The following FAM222B variants were observed in gnomAD, a reference collection of about 807,000 sequenced individuals.
FAM222B encodes the protein protein FAM222B.
Under a neutral mutation model 38.0 loss-of-function variants are expected in FAM222B, and 12 were observed. The ratio of observed to expected loss-of-function variants is 0.32; its 90% CI spans 0.20 to 0.51. FAM222B has a LOEUF of 0.51. Among genes scored for constraint, FAM222B ranks in the 20% least tolerant of loss-of-function variants. The probability of loss-of-function intolerance (pLI) is 0.97; values close to 1 mark genes in which losing one functional copy is unlikely to be tolerated. For missense variants in FAM222B, 716 were observed against 754.2 expected (o/e 0.95, Z 0.59); for synonymous variants, 329 against 317.2 (o/e 1.04, Z -0.40).
chr17:28,800,556 G>A (rs1479926059), intron 1 of FAM222B, among the ~76,000 whole-genome samples: 2 of 152,126 alleles, frequency 1.3e-5, no homozygotes, highest in African/African-American at 4.8e-5. Context: ...GTTCAGCTTG[G>A]AGAAGAGGCA....
chr17:28,772,679 A>G (rs931140488), intron 1 of FAM222B, among the ~76,000 whole-genome samples: 37 of 151,636 alleles, frequency 2.4e-4, no homozygotes, highest in Non-Finnish European at 1.5e-4. Flanking sequence ...GGCAGATCAC[A>G]AGGTCAGGAG....
intron 1 of FAM222B, among the ~76,000 whole-genome samples, chr17:28,800,196 T>C (rs1315695597): frequency 6.6e-6 from 1 of 152,144 alleles, no homozygotes. Flanking sequence ...CACACCTGGC[T>C]AATTTTGTAT....
chr17:28,813,022 CGG>C (rs71359255), intron 1 of FAM222B, among the ~76,000 whole-genome samples: 5 of 894 alleles, frequency 5.6e-3, no homozygotes, highest in African/African-American at 0.033. Context: ...AGAAATTAAG[CGG>C]GGGGGGGGGG....
intron 1 of FAM222B, among the ~76,000 whole-genome samples, chr17:28,768,315 G>A (rs576473424): frequency 6.6e-6 from 1 of 152,250 alleles, no homozygotes; most frequent in Non-Finnish European, 1.5e-5. Flanking sequence ...GTCATGATGA[G>A]TATCAGAGGG....
Position 28,830,053 on chromosome 17 carries a change from G to A in FAM222B, c.-41+12629C>T, listed in dbSNP as rs1598037322. Among the ~76,000 whole-genome samples the A allele has an allele frequency of 2.0e-5, 3 of 151,778 alleles. No homozygotes were observed. The East Asian group carries it at 5.8e-4, about 29-fold the overall frequency. ...TTTAGTAGAGATGAGGTTTCACTGT[G>A]TTAACCAGGATAGTCTCCATCTCCT... is the stretch of plus-strand genomic sequence containing the variant. On this transcript the variant is annotated intron_variant, in intron 1 of 2. Transcript: ENST00000581407.
intron 1 of FAM222B, chr17:28,834,755 T>C (rs1255486293): frequency 6.6e-6 from 1 of 151,956 alleles, no homozygotes; most frequent in Non-Finnish European, 1.5e-5. Context: ...TTACAAGTAA[T>C]TGATATAAGA....
intron 1 of FAM222B, among the ~76,000 whole-genome samples, chr17:28,822,032 T>C (rs1428668827): frequency 6.6e-6 from 1 of 151,158 alleles, no homozygotes; most frequent in Non-Finnish European, 1.5e-5. Flanking sequence ...TCAACAAAAA[T>C]ACATAGTCAG....
rs1390580396 is a variant in FAM222B at position 28,790,890 on chromosome 17, T to A, written c.-40-24183A>T. 4.8e-3 allele frequency among the ~76,000 whole-genome samples: 431 copies of A among 89,236 alleles called. 55 individuals carry two copies. The highest frequency in any genetic ancestry group is 0.01 in the South Asian group (16 of 1,546). 58.5% of individuals were successfully genotyped at this position (89,236 alleles called of 152,430 possible). On this transcript the variant is annotated intron_variant, in intron 1 of 2. Coordinates refer to ENST00000581407, the MANE Select transcript of FAM222B (RefSeq NM_001077498.3). ...TATATTTCAAATTGTTTCACTTTTTTTTTTTTTTTTTTTTTTTTTTTTTTT... is the reference window on the plus strand; with the variant it reads ...TATATTTCAAATTGTTTCACTTTTTATTTTTTTTTTTTTTTTTTTTTTTTT...
chr17:28,847,002 T>C (rs1253302891), upstream of FAM222B, among the ~76,000 whole-genome samples: 8 of 151,726 alleles, frequency 5.3e-5, no homozygotes, highest in Admixed American at 6.6e-5. Context: ...GGTGGGTAGA[T>C]CACCTAAGGT....
chr17:28,850,058 T>G (rs2039170777), intron 1 of FAM222B, among the ~76,000 whole-genome samples: 1 of 151,984 alleles, frequency 6.6e-6, no homozygotes, highest in Admixed American at 6.6e-5. Context: ...CACTCCAACC[T>G]GGCCAACAAG....
chr17:28,792,434 C>T (rs1003207602), intron 1 of FAM222B, among the ~76,000 whole-genome samples: 3 of 151,346 alleles, frequency 2.0e-5, no homozygotes, highest in Non-Finnish European at 4.4e-5. Flanking sequence ...GAGCCGTCAT[C>T]GTGCCACTGC....
chr17:28,854,989 TCGTAGGAGCG>T, exon 1 of FAM222B: 1 of 1,522,528 alleles, frequency 6.6e-7, no homozygotes. Context: ...CTCTGTTCAA[TCGTAGGAGCG>T]CTCCTGGTCG....
intron 1 of FAM222B, among the ~76,000 whole-genome samples, chr17:28,799,976 G>A (rs1288122967): frequency 2.0e-5 from 3 of 151,424 alleles, no homozygotes; most frequent in Non-Finnish European, 4.4e-5. Flanking sequence ...GACTGCTGTT[G>A]TATGTAACTA....
At position 28,759,603 on chromosome 17, in the gene FAM222B, G is replaced by C. The variant is rs753858204; in HGVS notation, c.356C>G (p.Thr119Ser). Residue 119 changes from threonine to serine, a missense_variant, in exon 3 of 3, where the codon ACC becomes AGC. Coordinates refer to ENST00000581407, the MANE Select transcript of FAM222B (RefSeq NM_001077498.3). This position sits in a 1 kb window ranked among gnomAD's most constrained non-coding sequence, Gnocchi z 4.8. The stretch of plus-strand genomic sequence containing the variant: ...GGCCTCAGGGAGCAACCGGGCTCGG[G>C]TGCCGTCAAAGTCCTTGAGTATGCT... ...AKSILKDFDGTRARLLPEAIM... is the reference protein window; with the variant it reads ...AKSILKDFDGSRARLLPEAIM... 1 of 1,612,596 alleles carries C rather than the reference G, an allele frequency of 6.2e-7. No individual in the cohort carries two copies. Among genetic ancestry groups the C allele is most frequent in the African/African-American group, 1.3e-5 (1 of 74,906 alleles).
intron 1 of FAM222B, among the ~76,000 whole-genome samples, chr17:28,814,653 G>C (rs1283183342): frequency 1.3e-5 from 2 of 152,008 alleles, no homozygotes; most frequent in Non-Finnish European, 2.9e-5. Context: ...TTTTACTCGA[G>C]ACGGGGTTTC....
chr17:28,843,442 C>CTTTT (rs1161514672), upstream of FAM222B, among the ~76,000 whole-genome samples: 23 of 87,000 alleles, frequency 2.6e-4, 1 homozygote, highest in African/African-American at 8.5e-4. Context: ...CAGCCTGGGT[C>CTTTT]TTTTTTTTTT....
chr17:28,769,974 A>G (rs910403583), intron 1 of FAM222B, among the ~76,000 whole-genome samples: 12 of 152,142 alleles, frequency 7.9e-5, no homozygotes, highest in Non-Finnish European at 1.8e-4. Context: ...CATGTCTAAA[A>G]CAGTATCCTT....
At chr17:28,820,255 G>C (rs555140207) in intron 1 of FAM222B, among the ~76,000 whole-genome samples, 1 of 152,256 alleles carries the variant, frequency 6.6e-6, no homozygotes, top group Admixed American at 6.5e-5. Context: ...TTAAAAGGCT[G>C]AGAAAAATTT....
chr17:28,813,295 C>T (rs193293850), intron 1 of FAM222B, among the ~76,000 whole-genome samples: 45 of 152,088 alleles, frequency 3.0e-4, no homozygotes, highest in African/African-American at 1.0e-3. Context: ...AAGCAAACAC[C>T]TAATCCTTGT....
Sources: allele counts gnomAD v4.1 joint callset (sites outside exome capture counted in the v4.1 genomes callset), GRCh38; gene constraint gnomAD v4.1.1; non-coding constraint Gnocchi (gnomAD v3.1); transcripts MANE v1.5; gene names NCBI Gene and HGNC (gene_info 2026-07-23, HGNC 2026-07-21).